The following CCDC178 variants were observed in gnomAD, a reference collection of about 807,000 sequenced individuals.
The protein encoded by CCDC178 is coiled-coil domain-containing protein 178.
In CCDC178, 126 loss-of-function variants were observed where a neutral mutation model predicts 117.4. The ratio of observed to expected loss-of-function variants is 1.07; its 90% CI spans 0.93 to 1.24. The LOEUF is 1.24. Ranked by LOEUF, CCDC178 falls within the 50% of genes most tolerant of loss-of-function variation. CCDC178 has a pLI of 0.00. For missense variants in CCDC178, 1,030 were observed against 986.9 expected (o/e 1.04, Z -0.59); for synonymous variants, 283 against 313.4 (o/e 0.90, Z 1.02).
chr18:33,270,832 T>C (rs1307032626), intron 12 of CCDC178, among the ~76,000 whole-genome samples: 1 of 151,524 alleles, frequency 6.6e-6, no homozygotes, highest in Non-Finnish European at 1.5e-5. Context: ...ATATTAAAAA[T>C]GTATAAACGT....
rs755685926 is a variant in CCDC178, at chr18:33,156,082, CTTT to C, written c.2238+55811_2238+55813del. ...CAGATGTCTGGCCAGCTAGAAAACA[CTTT>C]TTTTTTTTTTTTTTTTTTTTTGAGA... On this transcript the variant is annotated intron_variant, in intron 20 of 22. Transcript: ENST00000383096. Among the ~76,000 whole-genome samples the C allele has an allele frequency of 3.4e-3, 334 of 98,036 alleles. 1 individual carries two copies. Among genetic ancestry groups the C allele is most frequent in the Middle Eastern group, 0.019 (2 of 108 alleles). The allele number at this position is 98,036 out of a possible 152,430, so 64.3% of individuals were successfully genotyped here. A position where few individuals can be genotyped will look rare whatever the true frequency, so the allele number is the denominator to read the frequency against.
intron 12 of CCDC178, among the ~76,000 whole-genome samples, chr18:33,268,435 C>CT (rs1209602679): frequency 6.6e-6 from 1 of 151,800 alleles, no homozygotes; most frequent in African/African-American, 2.4e-5. Flanking sequence ...AAAGTGGTCT[C>CT]TATACCTCAC....
chr18:33,091,055 A>C (rs955956574), intron 21 of CCDC178, among the ~76,000 whole-genome samples: 2 of 152,200 alleles, frequency 1.3e-5, no homozygotes. Flanking sequence ...ATAACTGCAG[A>C]TAACTGCACA....
At chr18:33,105,141 CTTAA>C (rs944640026) in intron 20 of CCDC178, among the ~76,000 whole-genome samples, 1 of 151,548 alleles carries the variant, frequency 6.6e-6, no homozygotes, top group African/African-American at 2.4e-5. Flanking sequence ...AAAAGTAATT[CTTAA>C]TTAATTGATA....
chr18:33,168,171 A>AT lies in CCDC178; in HGVS notation c.2238+43724_2238+43725insA, dbSNP rs560514575. On this transcript the variant is annotated intron_variant, in intron 20 of 22. Coordinates refer to ENST00000383096, the MANE Select transcript of CCDC178 (RefSeq NM_001105528.4). ...GACATCTTTGCCAGGTCCTATGTCCAGCATGGTATTTCCTAGGTTATCTTC... is the reference window on the plus strand; with the variant it reads ...GACATCTTTGCCAGGTCCTATGTCCATGCATGGTATTTCCTAGGTTATCTTC... Among the ~76,000 whole-genome samples the AT allele has an allele frequency of 3.0e-3, 458 of 152,238 alleles. 4 individuals are homozygous for AT. The highest frequency in any genetic ancestry group is 0.011 in the African/African-American group (446 of 41,546).
intron 21 of CCDC178, among the ~76,000 whole-genome samples, chr18:33,050,379 G>A (rs1264006702): frequency 6.6e-6 from 1 of 152,166 alleles, no homozygotes; most frequent in African/African-American, 2.4e-5. Context: ...TCTTCTGAAT[G>A]TTCTTGAAAG....
Position 33,096,373 on chromosome 18 carries a change from A to AT in CCDC178, c.2239-3464dup, listed in dbSNP as rs1183983491. 4.7e-4 allele frequency among the ~76,000 whole-genome samples: 63 copies of AT among 133,802 alleles called. 1 individual carries two copies. Among genetic ancestry groups the AT allele is most frequent in the African/African-American group, 1.5e-3 (49 of 32,706 alleles). 87.8% of individuals were successfully genotyped at this position (133,802 alleles called of 152,430 possible). On this transcript the variant is annotated intron_variant, in intron 20 of 22. Coordinates refer to ENST00000383096, the MANE Select transcript of CCDC178 (RefSeq NM_001105528.4). ...TTATATAAAAATATAAAATTTTTAT[A>AT]TTTTATATAAAAATATAAAAATATA...
At chr18:33,327,756 A>G (rs2062604559) in intron 10 of CCDC178, among the ~76,000 whole-genome samples, 1 of 152,054 alleles carries the variant, frequency 6.6e-6, no homozygotes. Flanking sequence ...CTTTCTGAAG[A>G]TATGTCTATC....
intron 21 of CCDC178, among the ~76,000 whole-genome samples, chr18:33,013,544 T>C (rs924516989): frequency 6.6e-6 from 1 of 152,226 alleles, no homozygotes; most frequent in African/African-American, 2.4e-5. Context: ...TTTTATGACA[T>C]AAGGCTATGA....
intron 5 of CCDC178, among the ~76,000 whole-genome samples, chr18:33,383,953 C>T (rs2063466694): frequency 2.0e-5 from 3 of 151,962 alleles, no homozygotes; most frequent in Admixed American, 2.0e-4. Context: ...TGCAAAGAAG[C>T]TAAGAACCAT....
chr18:32,968,359 C>T lies in CCDC178; in HGVS notation c.2523+6188G>A, dbSNP rs185441029. 2.0e-5 allele frequency among the ~76,000 whole-genome samples: 3 copies of T among 152,076 alleles called. No individual in the cohort carries two copies. The East Asian group carries it at 5.8e-4, about 29-fold the overall frequency. On this transcript the variant is annotated intron_variant, in intron 22 of 22. Coordinates refer to ENST00000383096, the MANE Select transcript of CCDC178 (RefSeq NM_001105528.4). ...TTTTTTATGGCTGAATGGTATTCTACTGTGTAGATATACTACATTCTCTTT... is the reference window on the plus strand; with the variant it reads ...TTTTTTATGGCTGAATGGTATTCTATTGTGTAGATATACTACATTCTCTTT...
At chr18:32,987,826 A>G (rs4341819) in intron 21 of CCDC178, among the ~76,000 whole-genome samples, 22,822 of 152,010 alleles carry the variant, frequency 0.15, 2,513 homozygotes, top group African/African-American at 0.31. Context: ...GGCTGGGTGC[A>G]GTGGCTCACG....
chr18:33,039,702 C>G (rs989518592), intron 21 of CCDC178, among the ~76,000 whole-genome samples: 16 of 151,872 alleles, frequency 1.1e-4, no homozygotes, highest in South Asian at 6.3e-4. Flanking sequence ...AGAGAGGGGA[C>G]CTTAGATGCA....
At chr18:33,315,321 T>G (rs1238136459) in intron 11 of CCDC178, among the ~76,000 whole-genome samples, 1 of 152,068 alleles carries the variant, frequency 6.6e-6, no homozygotes, top group Non-Finnish European at 1.5e-5. Context: ...AATTCAAGAT[T>G]AAAAACAACG....
intron 9 of CCDC178, among the ~76,000 whole-genome samples, chr18:33,335,549 CT>C (rs1347446128): frequency 6.6e-6 from 1 of 151,888 alleles, no homozygotes; most frequent in African/African-American, 2.4e-5. Context: ...ATATTTTTCT[CT>C]CCTTGTCTTG....
intron 12 of CCDC178, among the ~76,000 whole-genome samples, chr18:33,283,657 G>A (rs1171575146): frequency 6.6e-6 from 1 of 152,012 alleles, no homozygotes. Context: ...TGAAAAAAAA[G>A]CTCAGCATCA....
At chr18:33,056,950 C>T (rs1242538643) in intron 21 of CCDC178, among the ~76,000 whole-genome samples, 6 of 142,204 alleles carry the variant, frequency 4.2e-5, no homozygotes, top group Admixed American at 7.0e-5. Context: ...TAAGTTTTTC[C>T]TTTTTTTTTT....
chr18:32,968,456 CATGGGA>C (rs1966795098), intron 22 of CCDC178, among the ~76,000 whole-genome samples: 1 of 151,902 alleles, frequency 6.6e-6, no homozygotes, highest in African/African-American at 2.4e-5. Flanking sequence ...CTGCAATGAA[CATGGGA>C]ATGGGAATGC....
At chr18:32,942,263 A>G (rs1227679383) in intron 22 of CCDC178, among the ~76,000 whole-genome samples, 1 of 152,160 alleles carries the variant, frequency 6.6e-6, no homozygotes, top group Non-Finnish European at 1.5e-5. Flanking sequence ...TTCATTTTGA[A>G]TATCGCCATA....
Sources: gnomAD v4.1 joint callset for allele counts (sites outside exome capture counted in the v4.1 genomes callset) on GRCh38, gnomAD v4.1.1 for gene constraint, MANE v1.5 for transcripts, NCBI Gene and HGNC (gene_info 2026-07-23, HGNC 2026-07-21) for gene names.